FAM222B: variants seen among roughly 807,000 people sequenced by gnomAD.
The protein encoded by FAM222B is protein FAM222B.
A neutral mutation model predicts 38.0 loss-of-function variants in FAM222B; 12 were observed. That is an observed-to-expected ratio of 0.32 (90% CI 0.20 to 0.51). FAM222B has a LOEUF of 0.51. FAM222B is among the 20% of genes least tolerant of loss of function. The pLI is 0.97. For synonymous variants in FAM222B, 329 were observed against 317.2 expected (o/e 1.04, Z -0.40); for missense variants, 716 against 754.2 (o/e 0.95, Z 0.59).
intron 1 of FAM222B, among the ~76,000 whole-genome samples, chr17:28,830,161 CTT>C (rs58480451): frequency 0.21 from 21,010 of 101,496 alleles, 1,829 homozygotes; most frequent in South Asian, 0.32. Context: ...TTTATACATT[CTT>C]TTTTTTTTTT....
intron 1 of FAM222B, among the ~76,000 whole-genome samples, chr17:28,779,790 A>C (rs867207834): frequency 6.6e-6 from 1 of 151,740 alleles, no homozygotes; most frequent in Middle Eastern, 3.4e-3. Flanking sequence ...AAATAAATAA[A>C]TAAAGCATCT....
chr17:28,788,852 C>T (rs769585621), intron 1 of FAM222B, among the ~76,000 whole-genome samples: 76 of 152,074 alleles, frequency 5.0e-4, no homozygotes, highest in Non-Finnish European at 5.1e-4. Context: ...AACAATTCTC[C>T]TGCCTCAGCC....
chr17:28,770,153 C>T (rs2035554488), intron 1 of FAM222B, among the ~76,000 whole-genome samples: 1 of 152,144 alleles, frequency 6.6e-6, no homozygotes, highest in Admixed American at 6.6e-5. Flanking sequence ...CTCTCCACCC[C>T]ACTAGGATAT....
At chr17:28,780,064 G>A (rs866950403) in intron 1 of FAM222B, among the ~76,000 whole-genome samples, 3 of 151,436 alleles carry the variant, frequency 2.0e-5, no homozygotes, top group Non-Finnish European at 4.4e-5. Flanking sequence ...TCTGCCTCCC[G>A]GGGTTCAAGC....
chr17:28,827,835 T>C (rs1033114737), intron 1 of FAM222B, among the ~76,000 whole-genome samples: 2 of 152,168 alleles, frequency 1.3e-5, no homozygotes, highest in African/African-American at 2.4e-5. Context: ...AGGGCATAAG[T>C]AGTCTTACAA....
At chr17:28,828,896 ACTCT>A (rs1157350416) in intron 1 of FAM222B, among the ~76,000 whole-genome samples, 1 of 149,978 alleles carries the variant, frequency 6.7e-6, no homozygotes, top group African/African-American at 2.4e-5. Flanking sequence ...TTTGCAGTCA[ACTCT>A]CTACTTTTTT....
intron 2 of FAM222B, among the ~76,000 whole-genome samples, chr17:28,762,310 T>C (rs1017530086): frequency 1.3e-5 from 2 of 152,116 alleles, no homozygotes; most frequent in African/African-American, 4.8e-5. Context: ...CTACCTCACA[T>C]ACCAGACTTA....
chr17:28,765,485 GGTTCA>G (rs1276496193), intron 2 of FAM222B, among the ~76,000 whole-genome samples: 1 of 152,156 alleles, frequency 6.6e-6, no homozygotes, highest in Non-Finnish European at 1.5e-5. Context: ...TGTCATAAGG[GGTTCA>G]GTTAAGGTGC....
chr17:28,785,209 C>CT lies in FAM222B; in HGVS notation c.-40-18503dup, dbSNP rs2036350778. The stretch of plus-strand genomic sequence containing the variant: ...TGGTATTGAATCTCTGTCTTAGTTC[C>CT]TAGACATGTGATCATTCCATTAAAT... On this transcript the variant is annotated intron_variant, in intron 1 of 2. Coordinates refer to ENST00000581407, the MANE Select transcript of FAM222B (RefSeq NM_001077498.3). 3.9e-5 allele frequency among the ~76,000 whole-genome samples: 6 copies of CT among 152,132 alleles called. No homozygotes were observed. The South Asian group carries it at 1.2e-3, about 31-fold the overall frequency.
chr17:28,801,674 G>A (rs540168117), intron 1 of FAM222B, among the ~76,000 whole-genome samples: 9 of 152,116 alleles, frequency 5.9e-5, no homozygotes, highest in African/African-American at 1.7e-4. Context: ...GCTGGGTAAG[G>A]CAGAGGGTCC....
In FAM222B at chr17:28,801,119, T is replaced by C. The variant is rs557812833; in HGVS notation, c.-40-34412A>G. Among the ~76,000 whole-genome samples, 6 of 144,892 alleles carry C rather than the reference T, an allele frequency of 4.1e-5. No individual in the cohort carries two copies. The South Asian group carries it at 1.3e-3, about 31-fold the overall frequency. ...TTAAAGTGAGCCGAGATCGTGCCAC[T>C]GCACTCCAGCTTGGACGACAGAGCG... On this transcript the variant is annotated intron_variant, in intron 1 of 2. Coordinates refer to ENST00000581407, the MANE Select transcript of FAM222B (RefSeq NM_001077498.3).
intron 1 of FAM222B, among the ~76,000 whole-genome samples, chr17:28,786,901 T>A (rs1024889801): frequency 2.3e-5 from 3 of 132,604 alleles, no homozygotes; most frequent in Non-Finnish European, 3.2e-5. Flanking sequence ...TGTATTTTTT[T>A]TTTTTTTTTT....
chr17:28,799,454 C>T (rs977240181), intron 1 of FAM222B, among the ~76,000 whole-genome samples: 6 of 151,260 alleles, frequency 4.0e-5, no homozygotes, highest in East Asian at 1.9e-4. Context: ...CCTGCCACCA[C>T]GACCGGCTAA....
intron 1 of FAM222B, among the ~76,000 whole-genome samples, chr17:28,840,557 A>G (rs2039002100): frequency 6.6e-6 from 1 of 152,174 alleles, no homozygotes; most frequent in African/African-American, 2.4e-5. Flanking sequence ...GGTAACAAAA[A>G]GCAGAGCTAG....
chr17:28,789,109 AC>A (rs759438063), intron 1 of FAM222B, among the ~76,000 whole-genome samples: 8 of 143,084 alleles, frequency 5.6e-5, no homozygotes, highest in Non-Finnish European at 7.6e-5. Context: ...AAAAACTAAC[AC>A]CCCCCCGACA....
intron 1 of FAM222B, among the ~76,000 whole-genome samples, chr17:28,808,380 A>C (rs1036125901): frequency 1.3e-5 from 2 of 152,222 alleles, no homozygotes; most frequent in Non-Finnish European, 2.9e-5. Context: ...CCACTGAACA[A>C]CACACATGCA....
intron 1 of FAM222B, among the ~76,000 whole-genome samples, chr17:28,810,784 G>A (rs551685197): frequency 3.3e-5 from 5 of 152,108 alleles, no homozygotes; most frequent in Non-Finnish European, 7.4e-5. Context: ...AGTAAGCTTC[G>A]TAATCCCTAT....
intron 1 of FAM222B, among the ~76,000 whole-genome samples, chr17:28,838,829 C>A (rs902027655): frequency 1.3e-5 from 2 of 152,048 alleles, no homozygotes; most frequent in African/African-American, 4.8e-5. Context: ...ATCACTTGAA[C>A]ACAGGAGGCA....
At chr17:28,833,874 T>G (rs1242745658) in intron 1 of FAM222B, among the ~76,000 whole-genome samples, 1 of 152,204 alleles carries the variant, frequency 6.6e-6, no homozygotes, top group Non-Finnish European at 1.5e-5. Context: ...CCTAGGTATA[T>G]CTGGAAGCCT....
Sources: allele counts gnomAD v4.1 joint callset (sites outside exome capture counted in the v4.1 genomes callset), GRCh38; gene constraint gnomAD v4.1.1; transcripts MANE v1.5; gene names NCBI Gene and HGNC (gene_info 2026-07-23, HGNC 2026-07-21).